Variants in UBN2 observed in about 807,000 individuals in gnomAD.
UBN2 encodes ubinuclein 2.
A neutral mutation model predicts 120.2 loss-of-function variants in UBN2; 35 were observed. The observed-to-expected ratio is 0.29, with a 90% CI of 0.22 to 0.39. The LOEUF is 0.39. UBN2 is among the 10% of genes least tolerant of loss of function. UBN2 has a pLI of 1.00. For missense variants in UBN2, 1,693 were observed against 1,663.2 expected, an observed-to-expected ratio of 1.02 and a Z score of -0.31; for synonymous variants, 661 against 648.7, an observed-to-expected ratio of 1.02 and a Z score of -0.29.
At chr7:139,289,969 C>T (rs1797904422) in intron 15 of UBN2, among the ~76,000 whole-genome samples, 2 of 152,088 alleles carry the variant, frequency 1.3e-5, no homozygotes, top group Non-Finnish European at 2.9e-5. Flanking sequence ...TCTCGGCTCA[C>T]TGCAACCTCT....
chr7:139,252,098 T>G lies in UBN2; in HGVS notation c.663+41T>G, dbSNP rs375347227. On this transcript the variant is annotated intron_variant, in intron 3 of 17. Coordinates refer to ENST00000473989, the MANE Select transcript of UBN2 (RefSeq NM_173569.4). Reference sequence around the variant, plus strand: ...TTAATATAGCAGCAAATTCATTGTTTGTATGGGATAGTAGAAGTCAAGGGT... The same window carrying G: ...TTAATATAGCAGCAAATTCATTGTTGGTATGGGATAGTAGAAGTCAAGGGT... The G allele has an allele frequency of 1.2e-5, 19 of 1,537,350 alleles. No homozygotes were observed. The African/African-American group carries it at 2.3e-4, about 19-fold the overall frequency.
chr7:139,321,139 A>G, the UBN2 span, among the ~76,000 whole-genome samples: 1 of 152,218 alleles, frequency 6.6e-6, no homozygotes, highest in Non-Finnish European at 1.5e-5. Flanking sequence ...GGTGCCAAGT[A>G]CTTCCACATT....
At chr7:139,238,443 T>A (rs956963801) in intron 2 of UBN2, among the ~76,000 whole-genome samples, 5 of 149,830 alleles carry the variant, frequency 3.3e-5, no homozygotes, top group Non-Finnish European at 7.4e-5. Flanking sequence ...TCTCTTTTTT[T>A]CTAAGACAGA....
the UBN2 span, among the ~76,000 whole-genome samples, chr7:139,319,973 G>T: frequency 6.6e-6 from 1 of 151,900 alleles, no homozygotes; most frequent in Non-Finnish European, 1.5e-5. Flanking sequence ...CTACTCCGGA[G>T]GCCAAGGCAG....
At chr7:139,320,288 C>A in the UBN2 span, among the ~76,000 whole-genome samples, 1 of 151,094 alleles carries the variant, frequency 6.6e-6, no homozygotes, top group Non-Finnish European at 1.5e-5. Context: ...ATGGTGAAAC[C>A]CCGTCTCTAC....
Position 139,279,354 on chromosome 7 carries a change from A to G in UBN2, c.2061A>G (p.Lys687=). Residue 687 remains lysine, a synonymous_variant, in exon 13 of 18, where the codon AAA becomes AAG. Transcript: ENST00000473989. ...AGGTGATTCCTGCACCTAAACCCAA[A>G]GTAAAGGTAAGTACTGAAACAAAAT... ...KKKVIPAPKP[K]VKEVMVKTLP... 1 of 1,604,886 alleles carries G rather than the reference A, an allele frequency of 6.2e-7. No individual in the cohort carries two copies. The highest frequency in any genetic ancestry group is 1.3e-5 in the African/African-American group (1 of 74,488).
chr7:139,256,033 C>T (rs1796755375), intron 3 of UBN2, among the ~76,000 whole-genome samples: 1 of 152,192 alleles, frequency 6.6e-6, no homozygotes, highest in Admixed American at 6.5e-5. Context: ...TAGTCATAGG[C>T]AAAGAATCTA....
chr7:139,240,454 AT>A (rs10682001), intron 2 of UBN2, among the ~76,000 whole-genome samples: 2,690 of 123,050 alleles, frequency 0.022, 63 homozygotes, highest in African/African-American at 0.068. Flanking sequence ...ATATATATAT[AT>A]TTTTTTTTTT....
Position 139,284,144 on chromosome 7 carries a change from A to G in UBN2, c.3239A>G (p.Asn1080Ser), listed in dbSNP as rs749917412. ...SVSTKLISKSNPTPKPTVSPS... is the reference protein window; with the variant it reads ...SVSTKLISKSSPTPKPTVSPS... ...TCAACTAAACTTATTTCTAAATCCA[A>G]CCCAACTCCCAAGCCTACTGTATCC... The change falls in exon 15 of 18, where the codon AAC becomes AGC. Residue 1080 changes from asparagine to serine, a missense_variant. This residue lies in a region of UBN2 where 837 missense variants were observed against 817.6 expected (regional missense o/e 1.02). Coordinates refer to ENST00000473989, the MANE Select transcript of UBN2 (RefSeq NM_173569.4). 8.1e-6 allele frequency: 13 copies of G among 1,613,438 alleles called. No homozygotes were observed. The highest frequency in any genetic ancestry group is 3.3e-4 in the Middle Eastern group (2 of 6,062).
Position 139,297,895 on chromosome 7 carries a change from G to A in UBN2, c.*59G>A. The A allele has an allele frequency of 6.3e-7, 1 of 1,578,404 alleles. No individual in the cohort carries two copies. Among genetic ancestry groups the A allele is most frequent in the Non-Finnish European group, 8.7e-7 (1 of 1,147,904 alleles). Reference sequence around the variant, plus strand: ...TTGACTGATGGAATCTACCTGATGGGAAAGTACTTATGTGGTCATAGGGCT... The same window carrying A: ...TTGACTGATGGAATCTACCTGATGGAAAAGTACTTATGTGGTCATAGGGCT... On this transcript the variant is annotated 3_prime_UTR_variant, in exon 18 of 18. Transcript: ENST00000473989.
chr7:139,275,488 C>G (rs1797415586), intron 11 of UBN2, among the ~76,000 whole-genome samples: 1 of 150,938 alleles, frequency 6.6e-6, no homozygotes, highest in African/African-American at 2.4e-5. Flanking sequence ...GAGGCTGAGG[C>G]AGGAGAATGG....
chr7:139,248,773 C>T (rs142898362), intron 2 of UBN2, among the ~76,000 whole-genome samples: 132 of 151,934 alleles, frequency 8.7e-4, no homozygotes, highest in African/African-American at 2.9e-3. Flanking sequence ...TGAAATCATC[C>T]CTCATGTCCT....
chr7:139,278,828 C>T (rs1797521150), intron 12 of UBN2, among the ~76,000 whole-genome samples: 1 of 151,832 alleles, frequency 6.6e-6, no homozygotes, highest in South Asian at 2.1e-4. Flanking sequence ...CATCTTCAAA[C>T]TTTTTCTTAG....
chr7:139,235,704 G>A (rs1796146846), intron 1 of UBN2, among the ~76,000 whole-genome samples: 1 of 152,152 alleles, frequency 6.6e-6, no homozygotes, highest in African/African-American at 2.4e-5. Context: ...ACTGCGCCTG[G>A]CCTTTCATTG....
intron 6 of UBN2, among the ~76,000 whole-genome samples, chr7:139,262,082 GTTTTA>G (rs906409802): frequency 1.3e-5 from 2 of 150,116 alleles, no homozygotes; most frequent in African/African-American, 4.9e-5. Flanking sequence ...CGCACCTGGT[GTTTTA>G]TTTTATTTAT....
the UBN2 span, among the ~76,000 whole-genome samples, chr7:139,325,287 A>G: frequency 4.6e-5 from 3 of 65,360 alleles, no homozygotes; most frequent in East Asian, 9.4e-4. Context: ...TTTTTTTTTG[A>G]GACAGAGTCT....
Position 139,252,060 on chromosome 7 carries a change from G to A in UBN2, c.663+3G>A, listed in dbSNP as rs757893261. On this transcript the variant is annotated splice_donor_region_variant and intron_variant, in intron 3 of 17. Transcript: ENST00000473989. ...CATTTATTGATAACTCAGAGGCTGT[G>A]AGTAATGTATCTTTAATATAGCAGC... is the stretch of plus-strand genomic sequence containing the variant. 1 of 1,611,802 alleles carries A rather than the reference G, an allele frequency of 6.2e-7. No homozygotes were observed. Among genetic ancestry groups the A allele is most frequent in the South Asian group, 1.1e-5 (1 of 91,022 alleles).
Position 139,269,757 on chromosome 7 carries a change from A to G in UBN2, c.1596+234A>G, listed in dbSNP as rs558560472. ...GGCATAGATTGTTGGATGTAAGTTA[A>G]TATAGTAGGTATGCTCTGACAAACA... On this transcript the variant is annotated intron_variant, in intron 8 of 17. Coordinates refer to ENST00000473989, the MANE Select transcript of UBN2 (RefSeq NM_173569.4). Among the ~76,000 whole-genome samples the G allele has an allele frequency of 2.0e-5, 3 of 152,350 alleles. No individual in the cohort carries two copies. In the South Asian group the frequency reaches 6.2e-4, roughly 32 times the overall value.
chr7:139,311,551 G>C (rs1467506235), downstream of UBN2, among the ~76,000 whole-genome samples: 1 of 152,242 alleles, frequency 6.6e-6, no homozygotes, highest in Non-Finnish European at 1.5e-5. Flanking sequence ...GGGTGTATTG[G>C]TCGGATTAGA....
Sources: gnomAD v4.1 joint callset for allele counts (sites outside exome capture counted in the v4.1 genomes callset) on GRCh38, gnomAD v4.1.1 for gene constraint, gnomAD v4.1.1 regional missense constraint, MANE v1.5 for transcripts, NCBI Gene and HGNC (gene_info 2026-07-23, HGNC 2026-07-21) for gene names.